The following ALPK2 variants were observed in gnomAD, a reference collection of about 807,000 sequenced individuals.
The protein encoded by ALPK2 is alpha-protein kinase 2.
A neutral mutation model predicts 163.1 loss-of-function variants in ALPK2; 127 were observed. The observed-to-expected ratio is 0.78, with a 90% CI of 0.67 to 0.90. The LOEUF (loss-of-function observed/expected upper bound fraction) is 0.90. ALPK2 is among the 40% of genes least tolerant of loss of function. The pLI is 0.00. For missense variants in ALPK2, 2,360 were observed against 2,589.6 expected, an observed-to-expected ratio of 0.91 and a Z score of 1.92; for synonymous variants, 953 against 959.1, an observed-to-expected ratio of 0.99 and a Z score of 0.12.
intron 11 of ALPK2, among the ~76,000 whole-genome samples, chr18:58,501,515 G>A (rs2051431254): frequency 6.6e-6 from 1 of 152,162 alleles, no homozygotes; most frequent in African/African-American, 2.4e-5. Context: ...GTCCTTCCAA[G>A]GGCTTAGGAG....
chr18:58,559,401 G>A (rs1022229316), intron 4 of ALPK2, among the ~76,000 whole-genome samples: 13 of 112,112 alleles, frequency 1.2e-4, no homozygotes, highest in African/African-American at 4.0e-4. Context: ...CCCTGCCCCA[G>A]CTACAACATC....
intron 4 of ALPK2, 78 bp downstream of exon 4, chr18:58,578,736 A>ACACACACGCGCGCAGGCGCGCG (rs773192836): frequency 2.6e-6 from 2 of 760,806 alleles, no homozygotes; most frequent in Non-Finnish European, 4.1e-6. Context: ...AGGAAGAGAC[A>ACACACACGCGCGCAGGCGCGCG]CACACACACA....
At chr18:58,554,648 G>A (rs1467950722) in intron 4 of ALPK2, among the ~76,000 whole-genome samples, 1 of 152,102 alleles carries the variant, frequency 6.6e-6, no homozygotes, top group African/African-American at 2.4e-5. Flanking sequence ...TGGTCCTTTC[G>A]ACCAGCCGTG....
intron 4 of ALPK2, among the ~76,000 whole-genome samples, chr18:58,573,264 GTATATATA>G (rs373512712): frequency 3.5e-5 from 1 of 28,610 alleles, no homozygotes; most frequent in Non-Finnish European, 7.7e-5. Context: ...GTATATATGT[GTATATATA>G]TGTATATATG....
chr18:58,567,134 C>G (rs529160937), intron 4 of ALPK2, among the ~76,000 whole-genome samples: 2 of 151,784 alleles, frequency 1.3e-5, no homozygotes, highest in East Asian at 3.9e-4. Flanking sequence ...GTCTATAATC[C>G]CAGCACTTTG....
intron 12 of ALPK2, among the ~76,000 whole-genome samples, chr18:58,490,628 GAAAAA>G (rs1241209119): frequency 7.0e-6 from 1 of 142,252 alleles, no homozygotes; most frequent in Non-Finnish European, 1.5e-5. Flanking sequence ...CCTGGCTGGA[GAAAAA>G]AAAAAAAGAA....
Position 58,580,119 on chromosome 18 carries a change from A to C in ALPK2, c.657T>G (p.Asn219Lys). The C allele has an allele frequency of 6.2e-7, 1 of 1,614,246 alleles. No individual in the cohort carries two copies. Among genetic ancestry groups the C allele is most frequent in the Non-Finnish European group, 8.5e-7 (1 of 1,180,054 alleles). Reference protein sequence around the residue: ...EEIANGLLFLNSSHIYEKQDR... With the variant: ...EEIANGLLFLKSSHIYEKQDR... ...CTTGTTTTTCATAAATATGACTTGAATTAAGAAAAAGCAACCCATTTGCAA... is the reference window on the plus strand; with the variant it reads ...CTTGTTTTTCATAAATATGACTTGACTTAAGAAAAAGCAACCCATTTGCAA... The change falls in exon 4 of 13, where the codon AAT becomes AAG. Residue 219 changes from asparagine to lysine, a missense_variant. Physicochemically the swap from Asn to Lys is moderately conservative, Grantham distance 94. Coordinates refer to ENST00000361673, the MANE Select transcript of ALPK2 (RefSeq NM_052947.4).
chr18:58,573,377 T>C (rs1332550110), intron 4 of ALPK2, among the ~76,000 whole-genome samples: 1 of 146,226 alleles, frequency 6.8e-6, no homozygotes, highest in Non-Finnish European at 1.5e-5. Flanking sequence ...TATATATATG[T>C]GTGTGTATAT....
chr18:58,496,286 C>T (rs2051400751), intron 12 of ALPK2, among the ~76,000 whole-genome samples: 1 of 152,178 alleles, frequency 6.6e-6, no homozygotes, highest in Non-Finnish European at 1.5e-5. Flanking sequence ...CCCACTACAT[C>T]ATAATCCCTC....
intron 4 of ALPK2, among the ~76,000 whole-genome samples, chr18:58,539,883 C>G (rs1377910643): frequency 6.6e-6 from 1 of 152,230 alleles, no homozygotes; most frequent in African/African-American, 2.4e-5. Context: ...TGCTTACAGC[C>G]TGTCAGTCAT....
intron 3 of ALPK2, among the ~76,000 whole-genome samples, chr18:58,587,328 G>A (rs1006342951): frequency 2.0e-5 from 3 of 152,132 alleles, no homozygotes; most frequent in South Asian, 4.2e-4. Flanking sequence ...GAGTTGCCAC[G>A]TTACATTGTT....
chr18:58,498,519 A>G (rs1243637708), intron 11 of ALPK2, among the ~76,000 whole-genome samples: 1 of 152,222 alleles, frequency 6.6e-6, no homozygotes, highest in Non-Finnish European at 1.5e-5. Flanking sequence ...ATGGAAAGAA[A>G]AGTAGGCACG....
chr18:58,510,287 G>A (rs2051483563), intron 10 of ALPK2, among the ~76,000 whole-genome samples: 2 of 152,186 alleles, frequency 1.3e-5, no homozygotes. Context: ...GATTACTGTA[G>A]CCTTGTAGTA....
In ALPK2 at chr18:58,578,842, T is replaced by C. The variant is rs1258075712; in HGVS notation, c.1934A>G (p.Gln645Arg). The change falls in exon 4 of 13, where the codon CAG (glutamine) becomes CGG (arginine). Residue 645 changes from glutamine to arginine, a missense_variant. Gln to Arg is a conservative substitution (Grantham distance 43, BLOSUM62 1). Coordinates refer to ENST00000361673, the MANE Select transcript of ALPK2 (RefSeq NM_052947.4). ...AGGAGGATCACTCCAGTCTGGAACC[T>C]GGCTTGTTTCAAATAGAGTATTAAC... is the stretch of plus-strand genomic sequence containing the variant. ...MQVNTLFETSQVPDWSDPPQV... is the reference protein window; with the variant it reads ...MQVNTLFETSRVPDWSDPPQV... 6.2e-7 allele frequency: 1 copy of C among 1,613,706 alleles called. No homozygotes were observed. Among genetic ancestry groups the C allele is most frequent in the Non-Finnish European group, 8.5e-7 (1 of 1,179,924 alleles).
intron 4 of ALPK2, among the ~76,000 whole-genome samples, chr18:58,566,035 G>T (rs1169756908): frequency 2.0e-5 from 3 of 152,066 alleles, no homozygotes; most frequent in Non-Finnish European, 4.4e-5. Flanking sequence ...CCTGCCTCGG[G>T]CTCCCAAAGT....
In ALPK2 at chr18:58,555,358, C is replaced by T. The variant is rs150465166; in HGVS notation, c.1963-17134G>A. Among the ~76,000 whole-genome samples, 118 of 152,308 alleles carry T rather than the reference C, an allele frequency of 7.7e-4. 1 individual carries two copies. Among genetic ancestry groups the T allele is most frequent in the East Asian group, 5.8e-3 (30 of 5,192 alleles). On this transcript the variant is annotated intron_variant, in intron 4 of 12. Transcript: ENST00000361673. ...GGTGAGATAACACTGAGATTCGAATCATATCTAGGTACCCACAATGGCTAA... is the reference window on the plus strand; with the variant it reads ...GGTGAGATAACACTGAGATTCGAATTATATCTAGGTACCCACAATGGCTAA...
rs1355205654 is a variant in ALPK2, at chr18:58,537,385, G to T, written c.2802C>A (p.Pro934=). 6.2e-7 allele frequency: 1 copy of T among 1,613,888 alleles called. No homozygotes were observed. The highest frequency in any genetic ancestry group is 8.5e-7 in the Non-Finnish European group (1 of 1,179,834). ...TTTCATCAAGCCCTCCTGAGTTGCT[G>T]GGGCTTGGCTGCTCCTGGCCAGCAT... ...TVHAGQEQPS[P]SNSGGLDETQ... The change falls in exon 5 of 13, where the codon CCC becomes CCA. Residue 934 remains proline (P), a synonymous_variant. Coordinates refer to ENST00000361673, the MANE Select transcript of ALPK2 (RefSeq NM_052947.4).
intron 3 of ALPK2, among the ~76,000 whole-genome samples, chr18:58,602,750 T>C (rs2052077646): frequency 6.6e-6 from 1 of 152,162 alleles, no homozygotes; most frequent in Admixed American, 6.5e-5. Flanking sequence ...AGTCACAGGA[T>C]GAGACAGGAG....
rs531917923 is a variant in ALPK2, at chr18:58,580,358, T to C, written c.418A>G (p.Ile140Val). 6.2e-7 allele frequency: 1 copy of C among 1,614,134 alleles called. No individual in the cohort carries two copies. The highest frequency in any genetic ancestry group is 1.1e-5 in the South Asian group (1 of 91,074). ...TTATAAGGATGTTCCTTCTCATCAA[T>C]CTGATTTGCCCTTTCTTCTTCATGT... ...GTHEEERANQIDEKEHPYKEE... is the reference protein window; with the variant it reads ...GTHEEERANQVDEKEHPYKEE... Residue 140 changes from isoleucine (I) to valine (V), a missense_variant, in exon 4 of 13, where the codon ATT (isoleucine) becomes GTT (valine). Physicochemically the swap from Ile to Val is conservative, Grantham distance 29. Coordinates refer to ENST00000361673, the MANE Select transcript of ALPK2 (RefSeq NM_052947.4).
Sources: allele counts gnomAD v4.1 joint callset (sites outside exome capture counted in the v4.1 genomes callset), GRCh38; gene constraint gnomAD v4.1.1; transcripts MANE v1.5; gene names NCBI Gene and HGNC (gene_info 2026-07-23, HGNC 2026-07-21).